The following GANC variants were observed in gnomAD, a reference collection of about 807,000 sequenced individuals.
GANC encodes the protein glucosidase alpha, neutral C, also known as neutral alpha-glucosidase C.
Under a neutral mutation model 124.2 loss-of-function variants are expected in GANC, and 117 were observed. The ratio of observed to expected loss-of-function variants is 0.94; its 90% confidence interval spans 0.81 to 1.10. The LOEUF (loss-of-function observed/expected upper bound fraction) is 1.10, where lower values mean the gene tolerates loss of function less well. Ranked by LOEUF, GANC falls within the 50% of genes least tolerant of loss-of-function variation. The probability of loss-of-function intolerance (pLI) is 0.00; values close to 1 mark genes in which losing one functional copy is unlikely to be tolerated. For synonymous variants in GANC, 377 were observed against 376.8 expected, an observed-to-expected ratio of 1.00 and a Z score of -0.01; for missense variants, 1,140 against 1,095.0, an observed-to-expected ratio of 1.04 and a Z score of -0.58.
chr15:42,282,066 T>C (rs1038812946), intron 3 of GANC, among the ~76,000 whole-genome samples: 4 of 152,184 alleles, frequency 2.6e-5, no homozygotes, highest in African/African-American at 9.7e-5. Context: ...CTCACACCTA[T>C]AATCCCAGCA....
At chr15:42,333,039 T>TATATA (rs397721498) in intron 15 of GANC, among the ~76,000 whole-genome samples, 3 of 123,092 alleles carry the variant, frequency 2.4e-5, no homozygotes, top group Non-Finnish European at 5.4e-5. Context: ...TATATATATA[T>TATATA]TTTTTTTGGT....
chr15:42,350,764 C>A (rs1242651340), intron 22 of GANC, among the ~76,000 whole-genome samples: 1 of 151,590 alleles, frequency 6.6e-6, no homozygotes, highest in East Asian at 1.9e-4. Flanking sequence ...TCATGTTGGG[C>A]AGGCTGGTCT....
intron 10 of GANC, among the ~76,000 whole-genome samples, chr15:42,320,774 T>TGTGTGCCTAGATGAG (rs1325350443): frequency 1.3e-5 from 2 of 151,972 alleles, no homozygotes; most frequent in Non-Finnish European, 2.9e-5. Flanking sequence ...GGTGAGGCTC[T>TGTGTGCCTAGATGAG]GTGTGCCTAG....
intron 5 of GANC, among the ~76,000 whole-genome samples, chr15:42,293,528 C>CTTTTTTTTTT (rs1566951280): frequency 2.0e-5 from 3 of 151,816 alleles, no homozygotes; most frequent in African/African-American, 7.3e-5. Flanking sequence ...CAACTCATTT[C>CTTTTTTTTTT]TGTTTTAAAA....
At chr15:42,314,835 A>G (rs1425281995) in intron 10 of GANC, 1 of 152,268 alleles carries the variant, frequency 6.6e-6, no homozygotes, top group Non-Finnish European at 1.5e-5. Flanking sequence ...CCTTACTTAC[A>G]CTACTGTGGA....
At position 42,273,735 on chromosome 15, in the gene GANC, G is replaced by C. The variant is rs1163853072; in HGVS notation, c.-747G>C. 3.3e-6 allele frequency: 1 copy of C among 300,122 alleles called. No individual in the cohort carries two copies. Among genetic ancestry groups the C allele is most frequent in the South Asian group, 4.2e-5 (1 of 23,666 alleles). The allele number at this position is 300,122 out of a possible 1,614,324, so 18.6% of individuals were successfully genotyped here. ...AGGATTTGGCTCTCTACTTCCGCTCGCCCCAGCCCTTCATCCCTTCTAAGT... is the reference window on the plus strand; with the variant it reads ...AGGATTTGGCTCTCTACTTCCGCTCCCCCCAGCCCTTCATCCCTTCTAAGT... On this transcript the variant is annotated 5_prime_UTR_variant, in exon 1 of 24. Coordinates refer to ENST00000318010, the MANE Select transcript of GANC (RefSeq NM_198141.3).
intron 3 of GANC, among the ~76,000 whole-genome samples, chr15:42,285,312 C>CT (rs1424925484): frequency 1.3e-5 from 2 of 152,104 alleles, no homozygotes; most frequent in African/African-American, 4.8e-5. Flanking sequence ...GCAGGGGACT[C>CT]TAAGGTGGGA....
chr15:42,285,963 C>T (rs759474256), intron 3 of GANC, among the ~76,000 whole-genome samples: 3 of 151,752 alleles, frequency 2.0e-5, no homozygotes, highest in Non-Finnish European at 4.4e-5. Context: ...GGGCTGCAGC[C>T]TCAGGAACAG....
At chr15:42,299,534 AATAATTTAT>A (rs2051925184) in intron 6 of GANC, among the ~76,000 whole-genome samples, 1 of 152,116 alleles carries the variant, frequency 6.6e-6, no homozygotes, top group African/African-American at 2.4e-5. Context: ...TACTGCCCAA[AATAATTTAT>A]AGATTCAATG....
At position 42,273,968 on chromosome 15, in the gene GANC, A is replaced by G. The variant is rs1026863356; in HGVS notation, c.-514A>G. On this transcript the variant is annotated 5_prime_UTR_variant, in exon 1 of 24. Transcript: ENST00000318010. ...CTGAAGAGTACGATGCTGCAGTACA[A>G]TCTGGCTGGAGACCTAGCCTCCAGC... 4.6e-5 allele frequency: 10 copies of G among 218,924 alleles called. No individual in the cohort carries two copies. The highest frequency in any genetic ancestry group is 1.7e-4 in the African/African-American group (7 of 41,888). 13.6% of individuals were successfully genotyped at this position (218,924 alleles called of 1,614,324 possible).
rs2052314496 is a variant in GANC, at chr15:42,339,707, C to T, written c.1882C>T (p.Leu628=). The part of the protein sequence containing the change: ...GGFIGNPETE[L]LVRWYQAGAY... ...GTTCATTGGGAATCCAGAGACAGAG[C>T]TGCTAGTGCGTTGGTACCAGGCTGG... The change falls in exon 17 of 24, where the codon CTG becomes TTG. Residue 628 remains leucine, a synonymous_variant. Transcript: ENST00000318010. 6.2e-7 allele frequency: 1 copy of T among 1,614,154 alleles called. No individual in the cohort carries two copies. Among genetic ancestry groups the T allele is most frequent in the Non-Finnish European group, 8.5e-7 (1 of 1,180,000 alleles).
intron 6 of GANC, among the ~76,000 whole-genome samples, chr15:42,299,502 G>A (rs1458695272): frequency 1.3e-5 from 2 of 151,982 alleles, no homozygotes; most frequent in Non-Finnish European, 2.9e-5. Context: ...TGTTTATCAG[G>A]GATATTGGCC....
rs144727826 is a variant in GANC at position 42,351,372 on chromosome 15, G to A, written c.2575G>A (p.Glu859Lys). 1.2e-6 allele frequency: 2 copies of A among 1,613,952 alleles called. No homozygotes were observed. The highest frequency in any genetic ancestry group is 1.7e-6 in the Non-Finnish European group (2 of 1,179,974). The part of the protein sequence containing the change: ...RGHYPSKCVV[E>K]KILVLGFRKE... ...TCATTATCCCAGCAAGTGTGTGGTG[G>A]AGAAGATCTTGGTCTTAGGCTTCAG... The change falls in exon 23 of 24, where the codon GAG (glutamate) becomes AAG (lysine). Residue 859 changes from glutamate to lysine, a missense_variant. By Grantham distance (56) the Glu-to-Lys change is moderately conservative. Coordinates refer to ENST00000318010, the MANE Select transcript of GANC (RefSeq NM_198141.3).
rs546644849 is a variant in GANC, at chr15:42,339,765, C to A, written c.1940C>A (p.Thr647Asn). Residue 647 changes from threonine (T) to asparagine (N), a missense_variant, in exon 17 of 24, where the codon ACC becomes AAC. Thr to Asn is a moderately conservative substitution (Grantham distance 65). Coordinates refer to ENST00000318010, the MANE Select transcript of GANC (RefSeq NM_198141.3). Reference protein sequence around the residue: ...AYQPFFRGHATMNTKRREPWL... With the variant: ...AYQPFFRGHANMNTKRREPWL... ...CAGCCCTTCTTCCGTGGCCATGCCA[C>A]CATGAACACCAAGCGACGAGAGCCC... 1.1e-5 allele frequency: 18 copies of A among 1,614,168 alleles called. No individual in the cohort carries two copies. In the Admixed American group the frequency reaches 1.8e-4, roughly 16 times the overall value.
chr15:42,297,193 T>C (rs1263078820), intron 5 of GANC, among the ~76,000 whole-genome samples: 7 of 152,070 alleles, frequency 4.6e-5, no homozygotes, highest in Non-Finnish European at 8.8e-5. Flanking sequence ...ATTATGAGCA[T>C]GTTTAACATT....
chr15:42,325,221 C>T (rs980705096), intron 11 of GANC, among the ~76,000 whole-genome samples: 6 of 151,790 alleles, frequency 4.0e-5, no homozygotes, highest in African/African-American at 1.2e-4. Flanking sequence ...TGCAATGAGC[C>T]GAGATCGTGC....
rs147281563 is a variant in GANC at position 42,339,824 on chromosome 15, C to T, written c.1999C>T (p.Arg667Ter). The T allele has an allele frequency of 3.0e-4, 491 of 1,614,138 alleles. No individual in the cohort carries two copies. The highest frequency in any genetic ancestry group is 1.8e-3 in the South Asian group (165 of 91,080). ...TGGGGAGGAACACACCCGACTCATC[C>T]GAGAAGCCATCAGAGAGCGCTATGG... is the stretch of plus-strand genomic sequence containing the variant. The part of the protein sequence containing the change: ...LFGEEHTRLI[R>*]EAIRERYGLL... The change falls in exon 17 of 24, where the codon CGA (arginine) becomes TGA (stop). Residue 667 changes from arginine to a stop codon, truncating the protein, a stop_gained. Transcript: ENST00000318010. LOFTEE classifies it high-confidence loss of function.
rs185917023 is a variant in GANC, at chr15:42,312,987, A to G, written c.1057+2141A>G. On this transcript the variant is annotated intron_variant, in intron 10 of 23. Coordinates refer to ENST00000318010, the MANE Select transcript of GANC (RefSeq NM_198141.3). ...ATGCTACTGGAATAAGGATAGACAT[A>G]CAGACCAGTGAAATAGAATTGAGAA... Among the ~76,000 whole-genome samples the G allele has an allele frequency of 1.4e-4, 21 of 152,176 alleles. No individual in the cohort carries two copies. The East Asian group carries it at 3.7e-3, about 27-fold the overall frequency.
chr15:42,283,462 G>A (rs944759699), intron 3 of GANC: 2 of 603,818 alleles, frequency 3.3e-6, no homozygotes, highest in South Asian at 2.0e-5. Flanking sequence ...TTGTGATCTA[G>A]GCAAAGGAAA....
Sources: allele counts gnomAD v4.1 joint callset (sites outside exome capture counted in the v4.1 genomes callset), GRCh38; gene constraint gnomAD v4.1.1; transcripts MANE v1.5; gene names NCBI Gene and HGNC (gene_info 2026-07-23, HGNC 2026-07-21).